Variants in MED13L observed in about 807,000 individuals in gnomAD.
MED13L encodes mediator of RNA polymerase II transcription subunit 13-like.
Under a neutral mutation model 220.9 loss-of-function variants are expected in MED13L, and 7 were observed. The observed-to-expected ratio is 0.03, with a 90% CI of 0.02 to 0.06. MED13L has a LOEUF of 0.06. MED13L is among the 10% of genes least tolerant of loss of function. The pLI is 1.00. For missense variants in MED13L, 1,965 were observed against 2,760.5 expected (o/e 0.71, Z 6.46); for synonymous variants, 1,011 against 1,015.2 (o/e 1.00, Z 0.08).
intron 4 of MED13L, among the ~76,000 whole-genome samples, chr12:116,035,850 T>C (rs1356263859): frequency 1.3e-5 from 2 of 152,126 alleles, no homozygotes; most frequent in Non-Finnish European, 2.9e-5. Flanking sequence ...GTGCTGGGAT[T>C]ACAGACCTGA....
intron 2 of MED13L, among the ~76,000 whole-genome samples, chr12:116,167,322 G>C (rs550671426): frequency 6.6e-6 from 1 of 152,070 alleles, no homozygotes; most frequent in Admixed American, 6.5e-5. Context: ...TTAAACAACT[G>C]TTTGATCAAA....
intron 2 of MED13L, among the ~76,000 whole-genome samples, chr12:116,113,615 C>T (rs998100476): frequency 1.3e-5 from 2 of 149,614 alleles, no homozygotes; most frequent in Non-Finnish European, 3.0e-5. Context: ...ATGATCATGC[C>T]ACCACTGCAC....
intron 14 of MED13L, among the ~76,000 whole-genome samples, chr12:115,997,791 G>C (rs1216194083): frequency 6.6e-6 from 1 of 152,152 alleles, no homozygotes; most frequent in African/African-American, 2.4e-5. Context: ...AGTAAACAAA[G>C]TCTACATAAC....
intron 2 of MED13L, among the ~76,000 whole-genome samples, chr12:116,193,067 C>G (rs1181122583): frequency 6.6e-6 from 1 of 151,968 alleles, no homozygotes; most frequent in Non-Finnish European, 1.5e-5. Context: ...GGCGGAGGTT[C>G]GCAGTGAGCC....
intron 4 of MED13L, among the ~76,000 whole-genome samples, chr12:116,035,788 G>T (rs909257213): frequency 6.6e-6 from 1 of 151,898 alleles, no homozygotes; most frequent in Non-Finnish European, 1.5e-5. Context: ...ACGGGGTTTT[G>T]CTACGTTGCC....
chr12:116,007,818 T>C (rs2137380846), intron 10 of MED13L, 182 bp from the exon 11 acceptor site: 2 of 606,848 alleles, frequency 3.3e-6, no homozygotes, highest in Admixed American at 6.0e-5. Flanking sequence ...TGTCTCTGGG[T>C]CCATCAATTC....
At chr12:115,975,139 C>T (rs1876849800) in intron 25 of MED13L, 32 bp downstream of exon 25, 2 of 1,611,816 alleles carry the variant, frequency 1.2e-6, no homozygotes, top group South Asian at 2.2e-5. Context: ...TTTCCTCTGT[C>T]TTCTGCAAAT....
intron 4 of MED13L, among the ~76,000 whole-genome samples, chr12:116,060,057 G>A (rs1869310806): frequency 1.3e-5 from 2 of 152,106 alleles, no homozygotes; most frequent in Admixed American, 6.5e-5. Context: ...TAGAGGTGCA[G>A]TATGCAGTTT....
At chr12:116,119,832 AAAAAAAATATATATAT>A (rs1172478158) in intron 2 of MED13L, among the ~76,000 whole-genome samples, 3 of 113,642 alleles carry the variant, frequency 2.6e-5, no homozygotes, top group African/African-American at 1.2e-4. Flanking sequence ...AAAAAAAAAA[AAAAAAAATATATATAT>A]ATATATATAT....
At chr12:116,172,827 C>T (rs1038610090) in intron 2 of MED13L, among the ~76,000 whole-genome samples, 3 of 151,614 alleles carry the variant, frequency 2.0e-5, no homozygotes, top group African/African-American at 7.3e-5. Context: ...CAAGCAAAGT[C>T]CTCAATACAG....
At chr12:116,217,760 A>C (rs1456248901) in intron 2 of MED13L, among the ~76,000 whole-genome samples, 3 of 152,222 alleles carry the variant, frequency 2.0e-5, no homozygotes, top group Non-Finnish European at 4.4e-5. Flanking sequence ...CCCAATACCT[A>C]ACACATTACC....
chr12:115,974,582 GA>G (rs1474892695), intron 25 of MED13L, among the ~76,000 whole-genome samples: 5 of 152,150 alleles, frequency 3.3e-5, no homozygotes, highest in Admixed American at 6.5e-5. Context: ...TTAAATTTAT[GA>G]CAAAGAATAT....
At chr12:115,970,343 A>G (rs1181360017) in intron 27 of MED13L, among the ~76,000 whole-genome samples, 2 of 152,198 alleles carry the variant, frequency 1.3e-5, no homozygotes, top group Non-Finnish European at 2.9e-5. Flanking sequence ...CGCAGGTATT[A>G]TTTTTTGCCT....
At chr12:116,149,438 T>A (rs1484086039) in intron 2 of MED13L, among the ~76,000 whole-genome samples, 1 of 152,244 alleles carries the variant, frequency 6.6e-6, no homozygotes, top group Non-Finnish European at 1.5e-5. Flanking sequence ...ATTAACCTCA[T>A]CTTCCATCTG....
intron 2 of MED13L, among the ~76,000 whole-genome samples, chr12:116,228,972 G>A (rs990703599): frequency 2.0e-5 from 3 of 151,890 alleles, no homozygotes; most frequent in South Asian, 2.1e-4. Flanking sequence ...AGATGGTATC[G>A]CACTATGTTT....
Position 116,064,376 on chromosome 12 carries a change from G to A in MED13L, c.479+32293C>T, listed in dbSNP as rs558815796. ...CTTAGCCAACCGAGTATGTACAGAC[G>A]TACTTTTTAAAAATATTTTCAATCT... On this transcript the variant is annotated intron_variant, in intron 4 of 30. Coordinates refer to ENST00000281928, the MANE Select transcript of MED13L (RefSeq NM_015335.5). Among the ~76,000 whole-genome samples the A allele has an allele frequency of 1.4e-4, 21 of 152,214 alleles. No homozygotes were observed. In the South Asian group the frequency reaches 3.3e-3, roughly 24 times the overall value.
At chr12:116,155,747 CTG>C in intron 2 of MED13L, among the ~76,000 whole-genome samples, 1 of 152,128 alleles carries the variant, frequency 6.6e-6, no homozygotes, top group East Asian at 1.9e-4. Flanking sequence ...AACCTTGAAA[CTG>C]TTAATATATT....
At chr12:116,046,905 A>T (rs1028622091) in intron 4 of MED13L, among the ~76,000 whole-genome samples, 3 of 152,156 alleles carry the variant, frequency 2.0e-5, no homozygotes, top group Non-Finnish European at 2.9e-5. Flanking sequence ...CCTGGGAGGC[A>T]GAGCTTGCAG....
chr12:116,049,067 C>T (rs1288907469), intron 4 of MED13L, among the ~76,000 whole-genome samples: 4 of 152,182 alleles, frequency 2.6e-5, no homozygotes, highest in South Asian at 2.1e-4. Context: ...AAAGACCAGC[C>T]CTTTCTACTA....
Sources: gnomAD v4.1 joint callset for allele counts (sites outside exome capture counted in the v4.1 genomes callset) on GRCh38, gnomAD v4.1.1 for gene constraint, MANE v1.5 for transcripts, NCBI Gene and HGNC (gene_info 2026-07-23, HGNC 2026-07-21) for gene names.